MBD5: variants seen among roughly 807,000 people sequenced by gnomAD.
MBD5 encodes methyl-CpG-binding domain protein 5.
MBD5 carries 13 observed loss-of-function variants against 117.3 expected under a neutral mutation model. That is an observed-to-expected ratio of 0.11 (90% CI 0.07 to 0.18). The LOEUF (loss-of-function observed/expected upper bound fraction) is 0.18. Ranked by LOEUF, MBD5 falls within the 10% of genes least tolerant of loss-of-function variation. The probability of loss-of-function intolerance (pLI) is 1.00; values close to 1 mark genes in which losing one functional copy is unlikely to be tolerated. For missense variants in MBD5, 1,879 were observed against 2,093.8 expected (o/e 0.90, Z 2.00); for synonymous variants, 727 against 766.4 (o/e 0.95, Z 0.85).
At chr2:148,331,565 GT>G (rs1333331525) in intron 3 of MBD5, among the ~76,000 whole-genome samples, 1 of 151,920 alleles carries the variant, frequency 6.6e-6, no homozygotes, top group Non-Finnish European at 1.5e-5. Flanking sequence ...TCAAAGTTTT[GT>G]CAATACTTAA....
intron 4 of MBD5, among the ~76,000 whole-genome samples, chr2:148,457,050 T>C (rs1468099410): frequency 6.6e-6 from 1 of 152,182 alleles, no homozygotes; most frequent in African/African-American, 2.4e-5. Context: ...AAGTTATGCA[T>C]GCATCTTTGA....
At chr2:148,303,858 C>G (rs1260761943) in intron 3 of MBD5, among the ~76,000 whole-genome samples, 1 of 152,076 alleles carries the variant, frequency 6.6e-6, no homozygotes, top group Non-Finnish European at 1.5e-5. Context: ...TTACTGGTAT[C>G]AAATAAATCT....
intron 3 of MBD5, among the ~76,000 whole-genome samples, chr2:148,254,662 C>G (rs936427131): frequency 1.1e-4 from 17 of 152,284 alleles, no homozygotes; most frequent in Admixed American, 5.2e-4. Flanking sequence ...GACCCATAAA[C>G]TCCTAAGGGG....
intron 8 of MBD5, 49 bp downstream of exon 8, chr2:148,470,510 T>A: frequency 6.9e-7 from 1 of 1,448,980 alleles, no homozygotes; most frequent in Non-Finnish European, 9.3e-7. Flanking sequence ...ACTTTTCTAC[T>A]TTTTTAAAAA....
intron 4 of MBD5, among the ~76,000 whole-genome samples, chr2:148,401,759 T>A (rs910885990): frequency 6.6e-6 from 1 of 152,128 alleles, no homozygotes; most frequent in African/African-American, 2.4e-5. Flanking sequence ...TTCTTTTCAT[T>A]TCACCAGTTA....
intron 1 of MBD5, chr2:148,062,340 T>A (rs893315403): frequency 3.3e-5 from 5 of 151,918 alleles, no homozygotes; most frequent in African/African-American, 9.7e-5. Context: ...TCAAAACAGT[T>A]ATAGTCTTTA....
intron 4 of MBD5, among the ~76,000 whole-genome samples, chr2:148,442,274 G>T (rs892992046): frequency 5.3e-5 from 8 of 151,308 alleles, no homozygotes; most frequent in Admixed American, 5.3e-4. Flanking sequence ...GATTAATAGT[G>T]TTCATCATTC....
chr2:148,320,011 T>C (rs972102290), intron 3 of MBD5, among the ~76,000 whole-genome samples: 6 of 152,234 alleles, frequency 3.9e-5, no homozygotes, highest in African/African-American at 1.4e-4. Context: ...ATTAAGATGA[T>C]CATATGATTC....
chr2:148,431,970 A>T (rs1175398631), intron 4 of MBD5, among the ~76,000 whole-genome samples: 1 of 152,196 alleles, frequency 6.6e-6, no homozygotes, highest in Admixed American at 6.6e-5. Context: ...ACTGCTTTCC[A>T]CAATGGCTGA....
intron 4 of MBD5, among the ~76,000 whole-genome samples, chr2:148,360,277 T>C (rs759071443): frequency 2.0e-5 from 3 of 152,192 alleles, no homozygotes; most frequent in Non-Finnish European, 2.9e-5. Flanking sequence ...TACCTCTAAC[T>C]ACTGCTGGAT....
intron 1 of MBD5, among the ~76,000 whole-genome samples, chr2:148,124,716 A>C (rs1255639954): frequency 1.3e-5 from 2 of 152,170 alleles, no homozygotes; most frequent in Non-Finnish European, 2.9e-5. Context: ...ATATATGAGC[A>C]TAACTGTATT....
chr2:148,465,980 T>G (rs1188983655), intron 7 of MBD5, among the ~76,000 whole-genome samples: 1 of 152,142 alleles, frequency 6.6e-6, no homozygotes, highest in Non-Finnish European at 1.5e-5. Context: ...CATACAAGTT[T>G]AATTATTGAA....
At chr2:148,411,946 C>T (rs553889806) in intron 4 of MBD5, among the ~76,000 whole-genome samples, 2 of 151,892 alleles carry the variant, frequency 1.3e-5, no homozygotes, top group East Asian at 1.9e-4. Flanking sequence ...ACGATATTTC[C>T]AAGGTTATTG....
chr2:148,067,173 G>C (rs546016816), intron 1 of MBD5, among the ~76,000 whole-genome samples: 1 of 152,158 alleles, frequency 6.6e-6, no homozygotes, highest in Non-Finnish European at 1.5e-5. Flanking sequence ...CAAAAGTACA[G>C]TCTCTGAATG....
chr2:148,348,055 G>T (rs1189869281), intron 4 of MBD5, among the ~76,000 whole-genome samples: 2 of 151,958 alleles, frequency 1.3e-5, no homozygotes, highest in African/African-American at 2.4e-5. Flanking sequence ...ATAAGTAATT[G>T]TATAATGCTG....
At chr2:148,085,701 G>A (rs1209863085) in intron 1 of MBD5, among the ~76,000 whole-genome samples, 1 of 151,646 alleles carries the variant, frequency 6.6e-6, no homozygotes, top group Non-Finnish European at 1.5e-5. Flanking sequence ...TCCAGCCTGG[G>A]CGACATAGCG....
At chr2:148,272,456 T>A (rs1038439974) in intron 3 of MBD5, among the ~76,000 whole-genome samples, 9 of 152,334 alleles carry the variant, frequency 5.9e-5, no homozygotes, top group African/African-American at 1.9e-4. Context: ...TTTTTTTGTT[T>A]GTTTTTCGTA....
intron 1 of MBD5, among the ~76,000 whole-genome samples, chr2:148,122,133 T>G (rs1175809012): frequency 6.6e-6 from 1 of 152,148 alleles, no homozygotes; most frequent in Non-Finnish European, 1.5e-5. Context: ...GAAATAAATT[T>G]TTGCACAAGC....
At chr2:148,183,251 G>A (rs1558962187) in intron 2 of MBD5, among the ~76,000 whole-genome samples, 1 of 151,854 alleles carries the variant, frequency 6.6e-6, no homozygotes, top group Non-Finnish European at 1.5e-5. Flanking sequence ...TCTGATTGTA[G>A]TTAACTCCAG....
Sources: gnomAD v4.1 joint callset for allele counts (sites outside exome capture counted in the v4.1 genomes callset) on GRCh38, gnomAD v4.1.1 for gene constraint, MANE v1.5 for transcripts, NCBI Gene and HGNC (gene_info 2026-07-23, HGNC 2026-07-21) for gene names.